RRAS: variants seen among roughly 807,000 people sequenced by gnomAD.
RRAS encodes the protein ras-related protein R-Ras.
In RRAS, 18 loss-of-function variants were observed where a neutral mutation model predicts 23.3. The ratio of observed to expected loss-of-function variants is 0.77; its 90% CI spans 0.53 to 1.15. The LOEUF (loss-of-function observed/expected upper bound fraction) is 1.15, where lower values mean the gene tolerates loss of function less well. RRAS is among the 50% of genes most tolerant of loss of function. RRAS has a pLI of 0.00. For missense variants in RRAS, 291 were observed against 317.1 expected, an observed-to-expected ratio of 0.92 and a Z score of 0.62; for synonymous variants, 133 against 138.3, an observed-to-expected ratio of 0.96 and a Z score of 0.27.
Position 49,635,848 on chromosome 19 carries a change from G to T in RRAS, c.458C>A (p.Pro153His). The change falls in exon 5 of 6, where the codon CCC becomes CAC. Residue 153 changes from proline (P) to histidine (H), a missense_variant. Physicochemically the swap from Pro to His is moderately conservative, Grantham distance 77 (BLOSUM62 -2). Transcript: ENST00000246792. ...GCCGAAGGCAGAGGCTTCTGATCGG[G>T]GGACCTGGGGGTAGGGGGGACACGG... ...KADLESQRQV[P>H]RSEASAFGAS... 1 of 1,558,410 alleles carries T rather than the reference G, an allele frequency of 6.4e-7. No homozygotes were observed. Among genetic ancestry groups the T allele is most frequent in the South Asian group, 1.1e-5 (1 of 88,754 alleles).
In RRAS at chr19:49,635,624, G is replaced by A. The variant is rs1297251901; in HGVS notation, c.609C>T (p.Pro203=). ...CCCCGCCCTTCTTCCTGGGGGCACT[G>A]GGAGGGCTCGGTGGGAGCTCTTGTT... ...YQEQELPPSP[P]SAPRKKGGGC... Residue 203 remains proline, a synonymous_variant, in exon 6 of 6, where the codon CCC becomes CCT. Transcript: ENST00000246792. 2.8e-6 allele frequency: 4 copies of A among 1,439,626 alleles called. No homozygotes were observed. The highest frequency in any genetic ancestry group is 3.7e-6 in the Non-Finnish European group (4 of 1,085,310). 89.2% of individuals were successfully genotyped at this position (1,439,626 alleles called of 1,614,324 possible). A position where few individuals can be genotyped will look rare whatever the true frequency, so the allele number is the denominator to read the frequency against.
intron 1 of RRAS, among the ~76,000 whole-genome samples, chr19:49,638,176 C>T (rs2081005667): frequency 6.6e-6 from 1 of 152,130 alleles, no homozygotes; most frequent in South Asian, 2.1e-4. Context: ...AATCCGGCTG[C>T]GGAGAGGCTG....
rs759803129 is a variant in RRAS, at chr19:49,635,734, C to G, written c.572G>C (p.Arg191Pro). 6.4e-7 allele frequency: 1 copy of G among 1,563,904 alleles called. No homozygotes were observed. The highest frequency in any genetic ancestry group is 8.7e-7 in the Non-Finnish European group (1 of 1,143,204). ...ACGACAGGAAGGGGACTTGGCTCAC[C>G]GGACAGCCCGCACCAGCTGCTCAAA... ...EAFEQLVRAVRKYQEQELPPS... is the reference protein window; with the variant it reads ...EAFEQLVRAVPKYQEQELPPS... Residue 191 changes from arginine to proline, a missense_variant and splice_region_variant, in exon 5 of 6, where the codon CGG becomes CCG. Physicochemically the swap from Arg to Pro is moderately radical, Grantham distance 103 (BLOSUM62 -2). Transcript: ENST00000246792.
In RRAS at chr19:49,640,013, G is replaced by A. The variant is rs750071917; in HGVS notation, c.86C>T (p.Thr29Ile). The A allele has an allele frequency of 1.3e-6, 2 of 1,571,636 alleles. No homozygotes were observed. Among genetic ancestry groups the A allele is most frequent in the Admixed American group, 1.8e-5 (1 of 56,848 alleles). The change falls in exon 1 of 6, where the codon ACA becomes ATA. Residue 29 changes from threonine (T) to isoleucine (I), a missense_variant. Transcript: ENST00000246792. ...GCCGCCCACGACCACCAGCTTGTGT[G>A]TCTCGCTGGGCGGGGGGTCCCCGGG... ...PGPGDPPPSE[T>I]HKLVVVGGGG... is the part of the protein sequence containing the mutation.
Position 49,635,536 on chromosome 19 carries a change from G to T in RRAS, c.*40C>A. On this transcript the variant is annotated 3_prime_UTR_variant, in exon 6 of 6. Transcript: ENST00000246792. ...ACACAGCAAGGTGCGAAGGCAGCTA[G>T]TCCCGAGAGCTTGTGGTGGTTGCTT... 1 of 1,306,242 alleles carries T rather than the reference G, an allele frequency of 7.7e-7. No individual in the cohort carries two copies. The highest frequency in any genetic ancestry group is 1.0e-6 in the Non-Finnish European group (1 of 983,142). 80.9% of individuals were successfully genotyped at this position (1,306,242 alleles called of 1,614,324 possible).
chr19:49,639,438 C>CA (rs60691134), intron 1 of RRAS, among the ~76,000 whole-genome samples: 93,849 of 120,206 alleles, frequency 0.78, 35,710 homozygotes, highest in African/African-American at 0.86. Context: ...GACTCTGTCT[C>CA]AAAAAAAAAA....
At chr19:49,639,278 A>C (rs1175849604) in intron 1 of RRAS, among the ~76,000 whole-genome samples, 3 of 152,056 alleles carry the variant, frequency 2.0e-5, no homozygotes, top group Non-Finnish European at 2.9e-5. Context: ...TACAAAAATT[A>C]GCCAGGCATG....
rs1221764316 is a variant in RRAS at position 49,636,241 on chromosome 19, C to T, written c.453+378G>A. 1.3e-5 allele frequency among the ~76,000 whole-genome samples: 2 copies of T among 150,188 alleles called. No individual in the cohort carries two copies. Among genetic ancestry groups the T allele is most frequent in the African/African-American group, 4.9e-5 (2 of 40,536 alleles). On this transcript the variant is annotated intron_variant, in intron 4 of 5. Transcript: ENST00000246792. This position sits in a 1 kb window ranked among gnomAD's most constrained non-coding sequence, Gnocchi z 4.5. Reference sequence around the variant, plus strand: ...CAGGGAAAGGAGGGGCGCAACTGTGCGGGGCATCTGGCACCTGGGGAGGAA... The same window carrying T: ...CAGGGAAAGGAGGGGCGCAACTGTGTGGGGCATCTGGCACCTGGGGAGGAA...
In RRAS at chr19:49,636,936, CAGGG is replaced by C. The variant is rs536827784; in HGVS notation, c.242-14_242-11del. 7 of 1,612,960 alleles carry C rather than the reference CAGGG, an allele frequency of 4.3e-6. No individual in the cohort carries two copies. In the South Asian group the frequency reaches 6.6e-5, roughly 15 times the overall value. On this transcript the variant is annotated splice_polypyrimidine_tract_variant and intron_variant, in intron 2 of 5. Transcript: ENST00000246792. This position sits in a 1 kb window ranked among gnomAD's most constrained non-coding sequence, Gnocchi z 4.5. The stretch of plus-strand genomic sequence containing the variant: ...CCCGCGGTGTCCAGGACTGCAGAGA[CAGGG>C]AGAGGGGCCATCGTGGGGACCAGGC...
In RRAS at chr19:49,640,088, C is replaced by T; in HGVS notation, c.11G>A (p.Gly4Glu). The change falls in exon 1 of 6, where the codon GGG (glycine) becomes GAG (glutamate). Residue 4 changes from glycine (G) to glutamate (E), a missense_variant. Transcript: ENST00000246792. ...CCCCCGCCCTGTCCCGGACGCCGCCCCGCTGCTCATGTCGCCACCGCTGCT... is the reference window on the plus strand; with the variant it reads ...CCCCCGCCCTGTCCCGGACGCCGCCTCGCTGCTCATGTCGCCACCGCTGCT... MSS[G>E]AASGTGRGRP... 1 of 1,397,398 alleles carries T rather than the reference C, an allele frequency of 7.2e-7. No individual in the cohort carries two copies. Among genetic ancestry groups the T allele is most frequent in the Non-Finnish European group, 9.2e-7 (1 of 1,088,664 alleles). 86.6% of individuals were successfully genotyped at this position (1,397,398 alleles called of 1,614,324 possible). A position where few individuals can be genotyped will look rare whatever the true frequency, so the allele number is the denominator to read the frequency against.
rs956762706 is a variant in RRAS at position 49,640,114 on chromosome 19, G to A, written c.-16C>T. ...CGCTGCTCATGTCGCCACCGCTGCT[G>A]CTGCCTTCGCTACCGCCTGCGGGGG... On this transcript the variant is annotated 5_prime_UTR_variant, in exon 1 of 6. Coordinates refer to ENST00000246792, the MANE Select transcript of RRAS (RefSeq NM_006270.5). 3 of 1,369,956 alleles carry A rather than the reference G, an allele frequency of 2.2e-6. No individual in the cohort carries two copies. Among genetic ancestry groups the A allele is most frequent in the South Asian group, 1.7e-5 (1 of 57,648 alleles). 84.9% of individuals were successfully genotyped at this position (1,369,956 alleles called of 1,614,324 possible).
In RRAS at chr19:49,636,754, T is replaced by C; in HGVS notation, c.345-27A>G. On this transcript the variant is annotated intron_variant, in intron 3 of 5. Transcript: ENST00000246792. This position sits in a 1 kb window ranked among gnomAD's most constrained non-coding sequence, Gnocchi z 4.5. The stretch of plus-strand genomic sequence containing the variant: ...TGCGAGTGAAGCCGGAGGCATGAGG[T>C]CCAGCCAGCTGCAGAGCCCAGGTCC... 1 of 1,610,982 alleles carries C rather than the reference T, an allele frequency of 6.2e-7. No individual in the cohort carries two copies. The highest frequency in any genetic ancestry group is 8.5e-7 in the Non-Finnish European group (1 of 1,177,650).
intron 1 of RRAS, among the ~76,000 whole-genome samples, chr19:49,639,468 G>T (rs1180207008): frequency 1.3e-5 from 2 of 150,636 alleles, no homozygotes; most frequent in African/African-American, 2.4e-5. Flanking sequence ...AAAAAGAATC[G>T]AACGTGGTGG....
At chr19:49,638,356 G>C (rs2081006409) in intron 1 of RRAS, among the ~76,000 whole-genome samples, 1 of 152,218 alleles carries the variant, frequency 6.6e-6, no homozygotes, top group African/African-American at 2.4e-5. Flanking sequence ...TCTTGGTGGG[G>C]GTGAGGGGGG....
chr19:49,636,956 G>T lies in RRAS; in HGVS notation c.242-30C>A. Reference sequence around the variant, plus strand: ...AGAGACAGGGAGAGGGGCCATCGTGGGGACCAGGCTCCCCGCAGTCACCCC... The same window carrying T: ...AGAGACAGGGAGAGGGGCCATCGTGTGGACCAGGCTCCCCGCAGTCACCCC... On this transcript the variant is annotated intron_variant, in intron 2 of 5. Coordinates refer to ENST00000246792, the MANE Select transcript of RRAS (RefSeq NM_006270.5). The surrounding 1 kb of genome is among the most constrained non-coding windows in gnomAD (Gnocchi z 4.5). The T allele has an allele frequency of 6.2e-7, 1 of 1,609,338 alleles. No individual in the cohort carries two copies.
In RRAS at chr19:49,638,720, G is replaced by A. The variant is rs970760174; in HGVS notation, c.153+1226C>T. ...GGCTCAGGGGTTTTGGGAGGTTATA[G>A]TATATACAGTCTTAGAAACATTGAG... On this transcript the variant is annotated intron_variant, in intron 1 of 5. Transcript: ENST00000246792. Among the ~76,000 whole-genome samples the A allele has an allele frequency of 2.0e-5, 3 of 152,080 alleles. No individual in the cohort carries two copies. In the East Asian group the frequency reaches 5.8e-4, roughly 29 times the overall value.
chr19:49,635,886 C>G, intron 4 of RRAS, 34 bp from the exon 5 acceptor site: 1 of 1,163,778 alleles, frequency 8.6e-7, no homozygotes. Flanking sequence ...GAGTCAGGTC[C>G]CTGCACTCAG....
In RRAS at chr19:49,635,672, C is replaced by T. The variant is rs201690554; in HGVS notation, c.573-12G>A. The stretch of plus-strand genomic sequence containing the variant: ...GTTCCTGGTATTTCCTGTGGGAAAA[C>T]GCCAGTGAGTTTGGAGTGGAAGGGC... On this transcript the variant is annotated splice_polypyrimidine_tract_variant and intron_variant, in intron 5 of 5. Coordinates refer to ENST00000246792, the MANE Select transcript of RRAS (RefSeq NM_006270.5). The T allele has an allele frequency of 1.2e-3, 1,821 of 1,471,750 alleles. 2 individuals are homozygous for T. The highest frequency in any genetic ancestry group is 1.5e-3 in the Non-Finnish European group (1,620 of 1,096,608). 91.2% of individuals were successfully genotyped at this position (1,471,750 alleles called of 1,614,324 possible).
rs767380161 is a variant in RRAS at position 49,636,396 on chromosome 19, C to T, written c.453+223G>A. ...GGACGGGGGGTGAATGTCCTTTGTT[C>T]CGTCCAGCAGCCTCTCCTGAGGACA... On this transcript the variant is annotated intron_variant, in intron 4 of 5. Coordinates refer to ENST00000246792, the MANE Select transcript of RRAS (RefSeq NM_006270.5). This position sits in a 1 kb window ranked among gnomAD's most constrained non-coding sequence, Gnocchi z 4.5. 1.6e-4 allele frequency among the ~76,000 whole-genome samples: 25 copies of T among 152,086 alleles called. No individual in the cohort carries two copies. Among genetic ancestry groups the T allele is most frequent in the Non-Finnish European group, 2.9e-4 (20 of 68,004 alleles).
Sources: allele counts gnomAD v4.1 joint callset (sites outside exome capture counted in the v4.1 genomes callset), GRCh38; gene constraint gnomAD v4.1.1; non-coding constraint Gnocchi (gnomAD v3.1); transcripts MANE v1.5; gene names NCBI Gene and HGNC (gene_info 2026-07-23, HGNC 2026-07-21).